Variants in SLIT3 observed in about 807,000 individuals in gnomAD.
SLIT3 encodes the protein slit homolog 3 protein.
A neutral mutation model predicts 184.0 loss-of-function variants in SLIT3; 68 were observed. That is an observed-to-expected ratio of 0.37 (90% CI 0.30 to 0.45). The LOEUF (loss-of-function observed/expected upper bound fraction) is 0.45. SLIT3 is among the 20% of genes least tolerant of loss of function. The probability of loss-of-function intolerance (pLI) is 1.00; values close to 1 mark genes in which losing one functional copy is unlikely to be tolerated. For missense variants in SLIT3, 1,707 were observed against 2,026.0 expected (o/e 0.84, Z 3.02); for synonymous variants, 831 against 828.6 (o/e 1.00, Z -0.05).
intron 6 of SLIT3, among the ~76,000 whole-genome samples, chr5:168,841,254 C>CT (rs2113707390): frequency 1.3e-5 from 2 of 152,296 alleles, no homozygotes; most frequent in African/African-American, 2.4e-5. Context: ...AGATGGGCTA[C>CT]TTTTTTTGTA....
intron 4 of SLIT3, among the ~76,000 whole-genome samples, chr5:169,005,689 A>G (rs1273240812): frequency 6.6e-6 from 1 of 152,242 alleles, no homozygotes; most frequent in Non-Finnish European, 1.5e-5. Context: ...ATATTCATTC[A>G]TTCGACAAAT....
intron 4 of SLIT3, among the ~76,000 whole-genome samples, chr5:169,076,579 C>T (rs1429917003): frequency 2.0e-5 from 3 of 151,812 alleles, no homozygotes; most frequent in Non-Finnish European, 4.4e-5. Flanking sequence ...AAATGGATTT[C>T]TTTTTTTTCT....
chr5:168,852,520 C>T (rs957348963), intron 5 of SLIT3, among the ~76,000 whole-genome samples: 14 of 152,254 alleles, frequency 9.2e-5, no homozygotes, highest in South Asian at 2.1e-4. Context: ...AACATCCCCA[C>T]TCAGGGTCGA....
Position 168,924,918 on chromosome 5 carries a change from G to T in SLIT3, c.414-41582C>A, listed in dbSNP as rs577942870. ...AGAGCAGAGCGGAGAAAGAAAGAACGCATCCCTGAGATCCCATCATAAGGT... is the reference window on the plus strand; with the variant it reads ...AGAGCAGAGCGGAGAAAGAAAGAACTCATCCCTGAGATCCCATCATAAGGT... On this transcript the variant is annotated intron_variant, in intron 4 of 35. Coordinates refer to ENST00000519560, the MANE Select transcript of SLIT3 (RefSeq NM_003062.4). 1.1e-4 allele frequency among the ~76,000 whole-genome samples: 16 copies of T among 152,246 alleles called. No individual in the cohort carries two copies. The South Asian group carries it at 2.1e-3, about 20-fold the overall frequency.
intron 4 of SLIT3, among the ~76,000 whole-genome samples, chr5:168,923,191 G>T (rs1261889525): frequency 2.0e-5 from 3 of 152,274 alleles, no homozygotes; most frequent in African/African-American, 7.2e-5. Context: ...GGGGGAAACA[G>T]TTTAACAAAC....
chr5:169,010,775 T>C (rs1581299873), intron 4 of SLIT3, among the ~76,000 whole-genome samples: 1 of 151,990 alleles, frequency 6.6e-6, no homozygotes, highest in Non-Finnish European at 1.5e-5. Context: ...TGGCGGCATA[T>C]GCCTGCAGTC....
chr5:169,106,637 C>A (rs570277143), intron 4 of SLIT3, among the ~76,000 whole-genome samples: 2 of 152,266 alleles, frequency 1.3e-5, no homozygotes, highest in South Asian at 4.2e-4. Context: ...CTGAGCTTCC[C>A]CATCCCTGAT....
chr5:168,906,387 T>G (rs1713895441), intron 4 of SLIT3, among the ~76,000 whole-genome samples: 1 of 152,164 alleles, frequency 6.6e-6, no homozygotes, highest in African/African-American at 2.4e-5. Flanking sequence ...CATTTAGCAT[T>G]TGGTGATTCA....
At chr5:169,182,594 G>A (rs963620667) in intron 4 of SLIT3, among the ~76,000 whole-genome samples, 11 of 152,222 alleles carry the variant, frequency 7.2e-5, no homozygotes, top group African/African-American at 2.4e-4. Flanking sequence ...GGTTGAAAAT[G>A]AGAGATAATT....
At chr5:168,829,804 C>T (rs978058183) in intron 6 of SLIT3, among the ~76,000 whole-genome samples, 6 of 152,216 alleles carry the variant, frequency 3.9e-5, no homozygotes, top group Non-Finnish European at 8.8e-5. Context: ...TGAGAAACAC[C>T]TAAACCACAG....
intron 3 of SLIT3, among the ~76,000 whole-genome samples, chr5:169,195,850 G>A (rs990717711): frequency 2.0e-5 from 3 of 152,176 alleles, no homozygotes; most frequent in Non-Finnish European, 2.9e-5. Flanking sequence ...TCTTACCCCA[G>A]TGCTTTTTAT....
chr5:169,267,943 A>T (rs540415861), intron 1 of SLIT3, among the ~76,000 whole-genome samples: 1 of 152,206 alleles, frequency 6.6e-6, no homozygotes, highest in South Asian at 2.1e-4. Context: ...ATTAACTTTT[A>T]ACATAGGTGC....
intron 4 of SLIT3, among the ~76,000 whole-genome samples, chr5:168,944,635 A>G (rs1170875857): frequency 6.6e-6 from 1 of 152,052 alleles, no homozygotes; most frequent in African/African-American, 2.4e-5. Flanking sequence ...CTGAAAGAGG[A>G]AGTATGGGTT....
In SLIT3 at chr5:169,300,896, G is replaced by T. The variant is rs1326192557; in HGVS notation, c.-187C>A. 1 of 333,408 alleles carries T rather than the reference G, an allele frequency of 3.0e-6. No homozygotes were observed. Among genetic ancestry groups the T allele is most frequent in the Non-Finnish European group, 5.0e-6 (1 of 200,108 alleles). The allele number at this position is 333,408 out of a possible 1,614,324, so 20.7% of individuals were successfully genotyped here. ...GCGGGGCGCTCCGGGCGGCGGCGGC[G>T]GCAGCAACAGCAGCTCCATCGGCGG... On this transcript the variant is annotated 5_prime_UTR_variant, in exon 1 of 36. Coordinates refer to ENST00000519560, the MANE Select transcript of SLIT3 (RefSeq NM_003062.4). The surrounding 1 kb of genome is among the most constrained non-coding windows in gnomAD (Gnocchi z 4.1).
rs575817747 is a variant in SLIT3 at position 168,929,841 on chromosome 5, C to A, written c.414-46505G>T. 5.9e-5 allele frequency among the ~76,000 whole-genome samples: 9 copies of A among 152,332 alleles called. No individual in the cohort carries two copies. In the East Asian group the frequency reaches 1.7e-3, roughly 29 times the overall value. On this transcript the variant is annotated intron_variant, in intron 4 of 35. Coordinates refer to ENST00000519560, the MANE Select transcript of SLIT3 (RefSeq NM_003062.4). ...ATGGGCCACGGGGACATGGCGTGGG[C>A]CGGCCTCCACAGCAGAGGAGGCGGG...
chr5:168,996,884 G>T (rs575184372), intron 4 of SLIT3, among the ~76,000 whole-genome samples: 1 of 152,272 alleles, frequency 6.6e-6, no homozygotes, highest in South Asian at 2.1e-4. Context: ...GAGCCGGGTG[G>T]AGTGGAGGAG....
At chr5:168,854,238 A>C (rs1758776755) in intron 5 of SLIT3, among the ~76,000 whole-genome samples, 1 of 151,922 alleles carries the variant, frequency 6.6e-6, no homozygotes, top group African/African-American at 2.4e-5. Context: ...AAGTTATTGT[A>C]GCCTGGGAAG....
intron 4 of SLIT3, among the ~76,000 whole-genome samples, chr5:169,029,540 G>A (rs1307953979): frequency 6.6e-6 from 1 of 152,212 alleles, no homozygotes; most frequent in Non-Finnish European, 1.5e-5. Flanking sequence ...GTGTGGCAGA[G>A]AAACTAAGCA....
At chr5:168,682,681 A>G (rs920501839) in intron 32 of SLIT3, among the ~76,000 whole-genome samples, 13 of 152,318 alleles carry the variant, frequency 8.5e-5, no homozygotes, top group African/African-American at 2.9e-4. Flanking sequence ...GCTTCTAAGT[A>G]TTTACAATTC....
Sources: gnomAD v4.1 joint callset for allele counts (sites outside exome capture counted in the v4.1 genomes callset) on GRCh38, gnomAD v4.1.1 for gene constraint, Gnocchi (gnomAD v3.1) non-coding constraint, MANE v1.5 for transcripts, NCBI Gene and HGNC (gene_info 2026-07-23, HGNC 2026-07-21) for gene names.